Variants in NBEA observed in about 807,000 individuals in gnomAD.
NBEA encodes neurobeachin.
Under a neutral mutation model 343.4 loss-of-function variants are expected in NBEA, and 44 were observed. The observed-to-expected ratio is 0.13, with a 90% CI of 0.10 to 0.16. The LOEUF is 0.16. NBEA is among the 10% of genes least tolerant of loss of function. NBEA has a pLI of 1.00. For synonymous variants in NBEA, 1,175 were observed against 1,238.7 expected (o/e 0.95, Z 1.08); for missense variants, 2,555 against 3,631.3 (o/e 0.70, Z 7.62).
At chr13:35,064,426 A>G (rs1226817152) in intron 8 of NBEA, among the ~76,000 whole-genome samples, 2 of 152,082 alleles carry the variant, frequency 1.3e-5, no homozygotes, top group African/African-American at 4.8e-5. Context: ...AGGATAATAG[A>G]TTAGAAAATC....
At chr13:35,189,939 C>T (rs1300526882) in intron 30 of NBEA, among the ~76,000 whole-genome samples, 2 of 152,040 alleles carry the variant, frequency 1.3e-5, no homozygotes, top group Non-Finnish European at 2.9e-5. Context: ...ACCCTGTTGC[C>T]ATCTACCTTT....
chr13:35,076,822 A>G (rs908198036), intron 10 of NBEA, among the ~76,000 whole-genome samples: 3 of 151,964 alleles, frequency 2.0e-5, no homozygotes, highest in African/African-American at 7.2e-5. Flanking sequence ...GAGTATTGTT[A>G]TTTTACTCAT....
intron 40 of NBEA, among the ~76,000 whole-genome samples, chr13:35,465,031 A>G (rs2047095009): frequency 6.6e-6 from 1 of 152,170 alleles, no homozygotes. Flanking sequence ...ATTTAAAACC[A>G]TAATAGTATG....
At chr13:35,545,185 C>T (rs2079010730) in intron 41 of NBEA, among the ~76,000 whole-genome samples, 1 of 152,132 alleles carries the variant, frequency 6.6e-6, no homozygotes, top group East Asian at 1.9e-4. Flanking sequence ...GCTTGATGCC[C>T]AGATTTTTAT....
At chr13:35,414,149 T>C (rs1487482984) in intron 38 of NBEA, among the ~76,000 whole-genome samples, 1 of 152,158 alleles carries the variant, frequency 6.6e-6, no homozygotes, top group East Asian at 1.9e-4. Flanking sequence ...AGTCAGAATA[T>C]ACTGACTAAA....
intron 38 of NBEA, among the ~76,000 whole-genome samples, chr13:35,426,322 A>C (rs1009851790): frequency 6.6e-6 from 1 of 151,956 alleles, no homozygotes; most frequent in African/African-American, 2.4e-5. Context: ...TTCCTTCAGG[A>C]GCTCTTTTAG....
intron 45 of NBEA, among the ~76,000 whole-genome samples, chr13:35,567,589 A>G (rs1206406354): frequency 6.6e-6 from 1 of 152,190 alleles, no homozygotes; most frequent in Non-Finnish European, 1.5e-5. Context: ...TTTGAAATTC[A>G]GTGAAGAACT....
At chr13:35,565,292 T>C (rs2080079899) in intron 44 of NBEA, among the ~76,000 whole-genome samples, 1 of 152,204 alleles carries the variant, frequency 6.6e-6, no homozygotes, top group Non-Finnish European at 1.5e-5. Flanking sequence ...GATAAAATAG[T>C]CATCAATAAA....
At chr13:35,606,009 C>G (rs989901719) in intron 47 of NBEA, among the ~76,000 whole-genome samples, 1 of 152,100 alleles carries the variant, frequency 6.6e-6, no homozygotes, top group South Asian at 2.1e-4. Flanking sequence ...TGATCTATTA[C>G]AAATACTGGC....
chr13:35,496,734 A>G (rs1003834057), intron 41 of NBEA, among the ~76,000 whole-genome samples: 8 of 151,956 alleles, frequency 5.3e-5, no homozygotes, highest in African/African-American at 1.9e-4. Context: ...AATTCCTGCA[A>G]TATGTCTTTT....
At chr13:35,230,848 G>C (rs2074930794) in intron 33 of NBEA, among the ~76,000 whole-genome samples, 1 of 151,932 alleles carries the variant, frequency 6.6e-6, no homozygotes, top group Non-Finnish European at 1.5e-5. Flanking sequence ...CTGAGAATTT[G>C]TACTTCTAAC....
At chr13:35,158,407 G>T (rs2152710059) in intron 21 of NBEA, among the ~76,000 whole-genome samples, 1 of 151,876 alleles carries the variant, frequency 6.6e-6, no homozygotes, top group South Asian at 2.1e-4. Flanking sequence ...TAACAAATTT[G>T]AAAATAGCAA....
At chr13:35,226,026 C>A (rs889439819) in intron 33 of NBEA, among the ~76,000 whole-genome samples, 5 of 152,130 alleles carry the variant, frequency 3.3e-5, no homozygotes, top group Admixed American at 3.3e-4. Context: ...TACTACACTA[C>A]AAAATGCTCA....
chr13:35,445,780 G>GTT (rs1491442826), intron 39 of NBEA, among the ~76,000 whole-genome samples: 4 of 63,316 alleles, frequency 6.3e-5, no homozygotes, highest in East Asian at 4.4e-4. Context: ...AGATATAAAT[G>GTT]TTTATATATA....
intron 44 of NBEA, among the ~76,000 whole-genome samples, chr13:35,565,125 A>G (rs2080072846): frequency 6.6e-6 from 1 of 152,204 alleles, no homozygotes; most frequent in Non-Finnish European, 1.5e-5. Context: ...CCTAGCTGTA[A>G]CCTCATCCCA....
chr13:35,583,093 T>C (rs2081131020), intron 45 of NBEA, among the ~76,000 whole-genome samples: 1 of 152,202 alleles, frequency 6.6e-6, no homozygotes, highest in Non-Finnish European at 1.5e-5. Context: ...ATACCATTAA[T>C]CCAAAATCAG....
At position 35,671,061 on chromosome 13, in the gene NBEA, T is replaced by G; in HGVS notation, c.*70T>G. Reference sequence around the variant, plus strand: ...GTGCTGCATGGAAAGGCAATATCTCTGGTGGAAAAAACTCGTCTACATCGA... The same window carrying G: ...GTGCTGCATGGAAAGGCAATATCTCGGGTGGAAAAAACTCGTCTACATCGA... On this transcript the variant is annotated 3_prime_UTR_variant, in exon 59 of 59. Transcript: ENST00000379939. 3.2e-5 allele frequency: 38 copies of G among 1,178,112 alleles called. No individual in the cohort carries two copies. The highest frequency in any genetic ancestry group is 4.4e-5 in the Non-Finnish European group (36 of 819,434). The allele number at this position is 1,178,112 out of a possible 1,614,324, so 73.0% of individuals were successfully genotyped here.
chr13:35,374,574 T>C (rs1359298776), intron 38 of NBEA, among the ~76,000 whole-genome samples: 2 of 152,160 alleles, frequency 1.3e-5, no homozygotes, highest in African/African-American at 4.8e-5. Flanking sequence ...TTGTACCTCA[T>C]AGGTTTGTGG....
intron 46 of NBEA, among the ~76,000 whole-genome samples, chr13:35,588,522 A>C (rs927751609): frequency 6.6e-6 from 1 of 152,194 alleles, no homozygotes; most frequent in Non-Finnish European, 1.5e-5. Context: ...TAATTGCTTA[A>C]AAATGCTAAT....
Sources: allele counts gnomAD v4.1 joint callset (sites outside exome capture counted in the v4.1 genomes callset), GRCh38; gene constraint gnomAD v4.1.1; transcripts MANE v1.5; gene names NCBI Gene and HGNC (gene_info 2026-07-23, HGNC 2026-07-21).